The following PDZRN3 variants were observed in gnomAD, a reference collection of about 807,000 sequenced individuals.
The protein encoded by PDZRN3 is E3 ubiquitin-protein ligase PDZRN3.
PDZRN3 carries 38 observed loss-of-function variants against 85.7 expected under a neutral mutation model. The ratio of observed to expected loss-of-function variants is 0.44; its 90% CI spans 0.34 to 0.58. The LOEUF is 0.58. Ranked by LOEUF, PDZRN3 falls within the 20% of genes least tolerant of loss-of-function variation. The pLI, the probability that PDZRN3 is intolerant of heterozygous loss-of-function variation, is 0.01. For missense variants in PDZRN3, 1,629 were observed against 1,506.4 expected (o/e 1.08, Z -1.35); for synonymous variants, 759 against 638.0 (o/e 1.19, Z -2.86).
At chr3:73,393,721 CCTTGCTTGTATTT>C (rs1191679439) in intron 5 of PDZRN3, among the ~76,000 whole-genome samples, 2 of 152,054 alleles carry the variant, frequency 1.3e-5, no homozygotes, top group African/African-American at 2.4e-5. Flanking sequence ...TATTTTCGTT[CCTTGCTTGTATTT>C]CTTGCTTGTA....
chr3:73,618,764 CATTT>C (rs1343588104), intron 1 of PDZRN3, among the ~76,000 whole-genome samples: 2 of 152,212 alleles, frequency 1.3e-5, no homozygotes, highest in African/African-American at 4.8e-5. Flanking sequence ...TGGTTATACT[CATTT>C]AATCCAGTGT....
intron 3 of PDZRN3, among the ~76,000 whole-genome samples, chr3:73,596,687 T>C (rs530832995): frequency 3.9e-5 from 6 of 152,326 alleles, no homozygotes; most frequent in African/African-American, 1.2e-4. Context: ...AAGATCTGGT[T>C]TGGAGTCTTT....
rs550219223 is a variant in PDZRN3 at position 73,415,098 on chromosome 3, G to T, written c.919-10703C>A. Among the ~76,000 whole-genome samples the T allele has an allele frequency of 6.6e-5, 10 of 152,324 alleles. No individual in the cohort carries two copies. The South Asian group carries it at 1.7e-3, about 25-fold the overall frequency. On this transcript the variant is annotated intron_variant, in intron 3 of 9. Transcript: ENST00000263666. ...GGGCTGCCAATATAGTGGTGGGCAA[G>T]ACTAGAAATGGAAGCTGTCCCTAGG...
At chr3:73,565,680 G>A (rs191062154) in intron 3 of PDZRN3, among the ~76,000 whole-genome samples, 2 of 152,062 alleles carry the variant, frequency 1.3e-5, no homozygotes, top group East Asian at 3.9e-4. Flanking sequence ...ACTCACGCCT[G>A]TAATCCCAGC....
At chr3:73,621,416 T>C (rs530475302) in intron 1 of PDZRN3, among the ~76,000 whole-genome samples, 1 of 152,192 alleles carries the variant, frequency 6.6e-6, no homozygotes. Flanking sequence ...AAAAAGAAAA[T>C]AAAAATGTTG....
At chr3:73,545,744 A>G (rs1701407254) in intron 3 of PDZRN3, among the ~76,000 whole-genome samples, 1 of 152,172 alleles carries the variant, frequency 6.6e-6, no homozygotes, top group South Asian at 2.1e-4. Context: ...CTTCTTGACC[A>G]CAGCAATTTT....
intron 3 of PDZRN3, among the ~76,000 whole-genome samples, chr3:73,459,001 A>G (rs908548126): frequency 1.3e-5 from 2 of 151,346 alleles, no homozygotes; most frequent in African/African-American, 4.8e-5. Context: ...CAAACAAAAA[A>G]AAAAAAAGAA....
intron 3 of PDZRN3, among the ~76,000 whole-genome samples, chr3:73,428,727 T>C (rs1003653344): frequency 7.2e-5 from 11 of 152,166 alleles, no homozygotes; most frequent in Non-Finnish European, 1.6e-4. Context: ...GTCGTTTCTT[T>C]TCAGAATCAA....
intron 3 of PDZRN3, among the ~76,000 whole-genome samples, chr3:73,479,466 G>A (rs749160379): frequency 1.3e-5 from 2 of 151,806 alleles, no homozygotes; most frequent in Admixed American, 6.6e-5. Context: ...CAGGAATACC[G>A]AGGGGAGTCA....
chr3:73,520,757 G>T (rs939462873), intron 3 of PDZRN3, among the ~76,000 whole-genome samples: 2 of 152,140 alleles, frequency 1.3e-5, no homozygotes, highest in East Asian at 1.9e-4. Context: ...GGGCAAGCAG[G>T]TGTTGATAAG....
chr3:73,578,901 C>T (rs917727767), intron 3 of PDZRN3, among the ~76,000 whole-genome samples: 1 of 152,168 alleles, frequency 6.6e-6, no homozygotes, highest in African/African-American at 2.4e-5. Flanking sequence ...AAGAGTATTA[C>T]ATGGTTAAAC....
At chr3:73,482,466 T>TATAGACGC (rs1418965859) in intron 3 of PDZRN3, among the ~76,000 whole-genome samples, 1 of 152,208 alleles carries the variant, frequency 6.6e-6, no homozygotes, top group Non-Finnish European at 1.5e-5. Context: ...ATAGTGACTG[T>TATAGACGC]CATTCATCTA....
At chr3:73,546,212 C>T (rs534173649) in intron 3 of PDZRN3, among the ~76,000 whole-genome samples, 15 of 152,310 alleles carry the variant, frequency 9.8e-5, no homozygotes, top group African/African-American at 3.1e-4. Flanking sequence ...TGTTTCTCCA[C>T]CTGGCATGAT....
intron 1 of PDZRN3, among the ~76,000 whole-genome samples, chr3:73,615,661 T>TACGA (rs1702750592): frequency 6.6e-6 from 1 of 152,202 alleles, no homozygotes; most frequent in Non-Finnish European, 1.5e-5. Context: ...GCTAGCACCT[T>TACGA]GATCTAGGGG....
intron 3 of PDZRN3, among the ~76,000 whole-genome samples, chr3:73,558,076 T>A (rs989165469): frequency 6.9e-6 from 1 of 145,370 alleles, no homozygotes; most frequent in African/African-American, 2.4e-5. Context: ...TTAATATATG[T>A]TTTTTTTCTT....
intron 3 of PDZRN3, among the ~76,000 whole-genome samples, chr3:73,586,285 T>G (rs1423866406): frequency 6.6e-6 from 1 of 152,218 alleles, no homozygotes; most frequent in African/African-American, 2.4e-5. Context: ...TATGGACAGC[T>G]GGCAGATTCC....
chr3:73,470,521 G>A (rs1201819151), intron 3 of PDZRN3, among the ~76,000 whole-genome samples: 1 of 152,168 alleles, frequency 6.6e-6, no homozygotes, highest in African/African-American at 2.4e-5. Context: ...AGTAAGAGGT[G>A]GTGGTAGGAT....
At chr3:73,471,000 C>G (rs1028531758) in intron 3 of PDZRN3, among the ~76,000 whole-genome samples, 3 of 152,152 alleles carry the variant, frequency 2.0e-5, no homozygotes, top group African/African-American at 7.2e-5. Flanking sequence ...CCCCTCCACC[C>G]CCGACTGACT....
intron 3 of PDZRN3, among the ~76,000 whole-genome samples, chr3:73,452,703 T>C (rs963088618): frequency 1.3e-5 from 2 of 152,198 alleles, no homozygotes; most frequent in South Asian, 2.1e-4. Flanking sequence ...CAGATTTTAC[T>C]TGGTTTTAAG....
Sources: gnomAD v4.1 joint callset for allele counts (sites outside exome capture counted in the v4.1 genomes callset) on GRCh38, gnomAD v4.1.1 for gene constraint, MANE v1.5 for transcripts, NCBI Gene and HGNC (gene_info 2026-07-23, HGNC 2026-07-21) for gene names.